The following STX8 variants were observed in gnomAD, a reference collection of about 807,000 sequenced individuals.
STX8 encodes syntaxin 8.
STX8 carries 23 observed loss-of-function variants against 37.5 expected under a neutral mutation model. The observed-to-expected ratio is 0.61, with a 90% CI of 0.44 to 0.87. The LOEUF (loss-of-function observed/expected upper bound fraction) is 0.87, where lower values mean the gene tolerates loss of function less well. Among genes scored for constraint, STX8 ranks in the 40% least tolerant of loss-of-function variants. The pLI is 0.00. For synonymous variants in STX8, 115 were observed against 99.1 expected, an observed-to-expected ratio of 1.16 and a Z score of -0.95; for missense variants, 313 against 284.7, an observed-to-expected ratio of 1.10 and a Z score of -0.71.
At chr17:9,254,724 T>C (rs945740992) in intron 7 of STX8, among the ~76,000 whole-genome samples, 8 of 152,102 alleles carry the variant, frequency 5.3e-5, no homozygotes, top group Non-Finnish European at 8.8e-5. Context: ...ACTCAGTTAC[T>C]GTCTGTCTCT....
At chr17:9,560,039 G>C (rs1907161944) in intron 2 of STX8, among the ~76,000 whole-genome samples, 1 of 149,952 alleles carries the variant, frequency 6.7e-6, no homozygotes, top group Non-Finnish European at 1.5e-5. Context: ...TGGGATTACA[G>C]GCATGAGCCA....
intron 6 of STX8, chr17:9,469,154 G>A (rs1905740114): frequency 6.6e-6 from 1 of 152,140 alleles, no homozygotes; most frequent in Non-Finnish European, 1.5e-5. Flanking sequence ...AGCCAAGGTG[G>A]TCATTTGCGT....
At chr17:9,317,848 G>C (rs912031651) in intron 7 of STX8, among the ~76,000 whole-genome samples, 1 of 152,130 alleles carries the variant, frequency 6.6e-6, no homozygotes, top group Non-Finnish European at 1.5e-5. Flanking sequence ...GGAGCTGCTA[G>C]TGTAGGTAGG....
chr17:9,274,624 C>T (rs531248995), intron 7 of STX8, among the ~76,000 whole-genome samples: 20 of 146,706 alleles, frequency 1.4e-4, no homozygotes, highest in South Asian at 6.7e-4. Context: ...TGCAGTGAGC[C>T]GAGATTGCAC....
intron 6 of STX8, among the ~76,000 whole-genome samples, chr17:9,438,638 C>T (rs1013100840): frequency 3.3e-5 from 5 of 152,028 alleles, no homozygotes; most frequent in African/African-American, 1.2e-4. Flanking sequence ...ACATAACACA[C>T]AGTCAAACAG....
At chr17:9,330,624 T>C (rs1298493911) in intron 7 of STX8, among the ~76,000 whole-genome samples, 1 of 152,254 alleles carries the variant, frequency 6.6e-6, no homozygotes, top group Admixed American at 6.5e-5. Context: ...TGCACTGGCT[T>C]CGGCTTTCTG....
chr17:9,507,341 C>T lies in STX8; in HGVS notation c.324-2179G>A, dbSNP rs1273946213. On this transcript the variant is annotated intron_variant, in intron 4 of 7. Coordinates refer to ENST00000306357, the MANE Select transcript of STX8 (RefSeq NM_004853.3). This position sits in a 1 kb window ranked among gnomAD's most constrained non-coding sequence, Gnocchi z 4.0. ...CCTGAAAAACAGCCCATGGGTCACC[C>T]CTAGCGGCAACTCCCCTAGGCCAGC... 1.3e-5 allele frequency among the ~76,000 whole-genome samples: 2 copies of T among 152,140 alleles called. No homozygotes were observed. Among genetic ancestry groups the T allele is most frequent in the Admixed American group, 6.5e-5 (1 of 15,288 alleles).
chr17:9,390,510 G>C (rs564498809), intron 6 of STX8, among the ~76,000 whole-genome samples: 2 of 137,856 alleles, frequency 1.5e-5, no homozygotes, highest in African/African-American at 5.5e-5. Flanking sequence ...CAGCAAGAGC[G>C]AAACTCCGTC....
At chr17:9,556,774 T>TATACACATAC (rs1906989397) in intron 3 of STX8, 2 of 86,704 alleles carry the variant, frequency 2.3e-5, no homozygotes, top group Admixed American at 1.4e-4. Context: ...TATATATATA[T>TATACACATAC]ATATATATAT....
chr17:9,425,924 C>T (rs748586492), intron 6 of STX8, among the ~76,000 whole-genome samples: 1 of 152,138 alleles, frequency 6.6e-6, no homozygotes, highest in Non-Finnish European at 1.5e-5. Context: ...CTTGCACGCA[C>T]GTATGCACGC....
At chr17:9,450,754 C>T (rs1305702312) in intron 6 of STX8, among the ~76,000 whole-genome samples, 1 of 151,856 alleles carries the variant, frequency 6.6e-6, no homozygotes, top group East Asian at 1.9e-4. Flanking sequence ...TTCAAGTCAG[C>T]ACTTTTCTCC....
chr17:9,272,261 G>T (rs1196938140), intron 7 of STX8, among the ~76,000 whole-genome samples: 3 of 152,236 alleles, frequency 2.0e-5, no homozygotes, highest in Non-Finnish European at 4.4e-5. Flanking sequence ...GTCACATCAG[G>T]CTGACACAGA....
At chr17:9,351,307 A>G (rs1469419940) in intron 7 of STX8, among the ~76,000 whole-genome samples, 3 of 148,504 alleles carry the variant, frequency 2.0e-5, no homozygotes, top group African/African-American at 7.5e-5. Context: ...ACAGGCGCGC[A>G]CCACCACACC....
intron 7 of STX8, among the ~76,000 whole-genome samples, chr17:9,365,141 C>T (rs1356296986): frequency 6.6e-6 from 1 of 152,190 alleles, no homozygotes; most frequent in Admixed American, 6.5e-5. Context: ...TATATTGTGA[C>T]ATGTTTTATT....
intron 7 of STX8, among the ~76,000 whole-genome samples, chr17:9,309,533 C>A (rs1433271012): frequency 6.6e-6 from 1 of 152,098 alleles, no homozygotes; most frequent in Non-Finnish European, 1.5e-5. Context: ...TGATTAAACT[C>A]TGGGAAATTC....
At chr17:9,394,226 G>A (rs1431831767) in intron 6 of STX8, among the ~76,000 whole-genome samples, 1 of 152,162 alleles carries the variant, frequency 6.6e-6, no homozygotes, top group Non-Finnish European at 1.5e-5. Context: ...TGTCAACCAT[G>A]CTAAGCGCGG....
At chr17:9,333,420 C>T (rs1179675055) in intron 7 of STX8, among the ~76,000 whole-genome samples, 1 of 152,192 alleles carries the variant, frequency 6.6e-6, no homozygotes, top group Non-Finnish European at 1.5e-5. Context: ...CAGAGTCTTG[C>T]TCTGTCACCC....
At chr17:9,349,474 C>T (rs1910635021) in intron 7 of STX8, among the ~76,000 whole-genome samples, 1 of 151,726 alleles carries the variant, frequency 6.6e-6, no homozygotes, top group South Asian at 2.1e-4. Context: ...GTGCCCACCA[C>T]TACGCCTGGC....
At chr17:9,568,513 T>G in intron 1 of STX8, 43 bp from the exon 2 acceptor site, 1 of 1,545,674 alleles carries the variant, frequency 6.5e-7, no homozygotes, top group Non-Finnish European at 8.9e-7. Flanking sequence ...AAGGTTCTTT[T>G]TTTTTGAGAC....
Sources: allele counts gnomAD v4.1 joint callset (sites outside exome capture counted in the v4.1 genomes callset), GRCh38; gene constraint gnomAD v4.1.1; non-coding constraint Gnocchi (gnomAD v3.1); transcripts MANE v1.5; gene names NCBI Gene and HGNC (gene_info 2026-07-23, HGNC 2026-07-21).